ACTR3B: variants seen among roughly 807,000 people sequenced by gnomAD.
The protein encoded by ACTR3B is actin related protein 3B.
Under a neutral mutation model 59.0 loss-of-function variants are expected in ACTR3B, and 8 were observed. That is an observed-to-expected ratio of 0.14 (90% CI 0.08 to 0.24). The LOEUF (loss-of-function observed/expected upper bound fraction) is 0.24. Ranked by LOEUF, ACTR3B falls within the 10% of genes least tolerant of loss-of-function variation. ACTR3B has a pLI of 1.00. For synonymous variants in ACTR3B, 148 were observed against 197.9 expected (o/e 0.75, Z 2.12); for missense variants, 245 against 552.3 (o/e 0.44, Z 5.58).
intron 4 of ACTR3B, among the ~76,000 whole-genome samples, chr7:152,807,238 T>G (rs983199525): frequency 6.6e-6 from 1 of 152,262 alleles, no homozygotes; most frequent in African/African-American, 2.4e-5. Flanking sequence ...GGAAGATATC[T>G]ATGGGACTTT....
intron 4 of ACTR3B, among the ~76,000 whole-genome samples, chr7:152,810,411 T>TG (rs1168251931): frequency 1.2e-5 from 1 of 86,158 alleles, no homozygotes; most frequent in African/African-American, 4.1e-5. Flanking sequence ...CCAGCCTGTT[T>TG]TTTTTTTTTT....
intron 1 of ACTR3B, among the ~76,000 whole-genome samples, chr7:152,766,934 A>C (rs2098112308): frequency 6.6e-6 from 1 of 152,004 alleles, no homozygotes; most frequent in South Asian, 2.1e-4. Flanking sequence ...CTACAGGTGC[A>C]TGCCACCACA....
chr7:152,843,701 G>C (rs1798045651), intron 9 of ACTR3B, among the ~76,000 whole-genome samples: 1 of 152,138 alleles, frequency 6.6e-6, no homozygotes, highest in Non-Finnish European at 1.5e-5. Flanking sequence ...ACTGGACTCT[G>C]GACTGGAGAG....
rs932468682 is a variant in ACTR3B, at chr7:152,778,419, A to G, written c.45-4768A>G. On this transcript the variant is annotated intron_variant, in intron 1 of 11. Transcript: ENST00000256001. Reference sequence around the variant, plus strand: ...CCCAGCTAATTTTTTGTATTTTAGTATAGAGATGGGGTTTTACCATTTTGC... The same window carrying G: ...CCCAGCTAATTTTTTGTATTTTAGTGTAGAGATGGGGTTTTACCATTTTGC... 2.6e-4 allele frequency among the ~76,000 whole-genome samples: 40 copies of G among 151,686 alleles called. 1 individual carries two copies. Among genetic ancestry groups the G allele is most frequent in the Admixed American group, 5.9e-4 (9 of 15,222 alleles).
Position 152,831,149 on chromosome 7 carries a change from G to A in ACTR3B, c.951+6027G>A, listed in dbSNP as rs117506312. Among the ~76,000 whole-genome samples the A allele has an allele frequency of 6.0e-3, 912 of 152,314 alleles. 5 individuals carry two copies. The highest frequency in any genetic ancestry group is 1.0e-2 in the Non-Finnish European group (680 of 68,024). On this transcript the variant is annotated intron_variant, in intron 9 of 11. Transcript: ENST00000256001. The stretch of plus-strand genomic sequence containing the variant: ...ATAAATCCCCAAATGGCATGATTTT[G>A]TCTTACTGGGAAGGGAAGGCTGATG...
intron 4 of ACTR3B, among the ~76,000 whole-genome samples, chr7:152,804,416 G>T (rs376382061): frequency 7.2e-5 from 11 of 152,306 alleles, no homozygotes; most frequent in Middle Eastern, 6.8e-3. Context: ...GAGCGGGGGA[G>T]TGTGGAGAGA....
chr7:152,800,228 T>G (rs1288417658), intron 2 of ACTR3B, among the ~76,000 whole-genome samples: 1 of 152,288 alleles, frequency 6.6e-6, no homozygotes, highest in Non-Finnish European at 1.5e-5. Flanking sequence ...GGCATTTCAC[T>G]TACTATCTTG....
chr7:152,854,038 T>G lies in ACTR3B; in HGVS notation c.1162-420T>G, dbSNP rs1306111228. Reference sequence around the variant, plus strand: ...CCTCTGTGCCCGGCCCGATATAAACTATATCTTAATAATCACACAACACAT... The same window carrying G: ...CCTCTGTGCCCGGCCCGATATAAACGATATCTTAATAATCACACAACACAT... On this transcript the variant is annotated intron_variant, in intron 11 of 11. Coordinates refer to ENST00000256001, the MANE Select transcript of ACTR3B (RefSeq NM_020445.6). The surrounding 1 kb of genome is among the most constrained non-coding windows in gnomAD (Gnocchi z 4.9). 6.6e-6 allele frequency among the ~76,000 whole-genome samples: 1 copy of G among 152,180 alleles called. No homozygotes were observed. Among genetic ancestry groups the G allele is most frequent in the East Asian group, 1.9e-4 (1 of 5,192 alleles).
At chr7:152,817,911 G>T (rs916428516) in intron 6 of ACTR3B, among the ~76,000 whole-genome samples, 1 of 152,192 alleles carries the variant, frequency 6.6e-6, no homozygotes, top group African/African-American at 2.4e-5. Context: ...TGGTCGATGG[G>T]CCTACAGTCA....
chr7:152,767,136 C>T (rs2098112932), intron 1 of ACTR3B, among the ~76,000 whole-genome samples: 2 of 147,838 alleles, frequency 1.4e-5, no homozygotes, highest in Admixed American at 6.8e-5. Context: ...TCATTTAAAT[C>T]TCTAATTCAT....
Position 152,789,561 on chromosome 7 carries a change from T to A in ACTR3B, c.100+6319T>A, listed in dbSNP as rs78156829. Among the ~76,000 whole-genome samples the A allele has an allele frequency of 1.3e-5, 2 of 150,170 alleles. 1 individual carries two copies. On this transcript the variant is annotated intron_variant, in intron 2 of 11. Transcript: ENST00000256001. ...TGAGGTTTGTAAGATTTTTTTTTTT[T>A]AATCCAGCAACCTTTATTGACCTCT... is the stretch of plus-strand genomic sequence containing the variant.
chr7:152,808,770 T>C (rs1291530540), intron 4 of ACTR3B, among the ~76,000 whole-genome samples: 1 of 152,234 alleles, frequency 6.6e-6, no homozygotes, highest in Non-Finnish European at 1.5e-5. Flanking sequence ...TTATTTCTTC[T>C]GGGATGAGAT....
In ACTR3B at chr7:152,848,832, C is replaced by A. The variant is rs1453500231; in HGVS notation, c.952-3294C>A. On this transcript the variant is annotated intron_variant, in intron 9 of 11. Coordinates refer to ENST00000256001, the MANE Select transcript of ACTR3B (RefSeq NM_020445.6). Reference sequence around the variant, plus strand: ...CTGTTTACGTGATTTCCAGCTGCCACCCCCCCGTAGCTGCAGCTGTGGTTG... The same window carrying A: ...CTGTTTACGTGATTTCCAGCTGCCAACCCCCCGTAGCTGCAGCTGTGGTTG... 2.6e-5 allele frequency among the ~76,000 whole-genome samples: 4 copies of A among 152,102 alleles called. No homozygotes were observed. The East Asian group carries it at 7.7e-4, about 29-fold the overall frequency.
At position 152,824,789 on chromosome 7, in the gene ACTR3B, ATGT is replaced by A. The variant is rs1025390155; in HGVS notation, c.859-235_859-233del. Among the ~76,000 whole-genome samples, 2 of 152,108 alleles carry A rather than the reference ATGT, an allele frequency of 1.3e-5. No homozygotes were observed. Among genetic ancestry groups the A allele is most frequent in the African/African-American group, 4.8e-5 (2 of 41,414 alleles). On this transcript the variant is annotated intron_variant, in intron 8 of 11. Transcript: ENST00000256001. This position sits in a 1 kb window ranked among gnomAD's most constrained non-coding sequence, Gnocchi z 4.2. ...ATGGGGTGGGGGTGGTCTGTCTGTG[ATGT>A]TGTTGGTATTTTTTCTTCACTAAAT...
intron 4 of ACTR3B, chr7:152,812,477 T>A (rs1361756149): frequency 7.5e-6 from 1 of 133,628 alleles, no homozygotes; most frequent in East Asian, 2.5e-4. Flanking sequence ...GGAATGAAAT[T>A]TTCCAAGTTC....
intron 9 of ACTR3B, among the ~76,000 whole-genome samples, chr7:152,851,711 T>C (rs1798820418): frequency 6.6e-6 from 1 of 152,198 alleles, no homozygotes; most frequent in South Asian, 2.1e-4. Flanking sequence ...ATTGTCCTTC[T>C]GAGAAGCTTC....
intron 10 of ACTR3B, among the ~76,000 whole-genome samples, chr7:152,852,852 T>C (rs1057512704): frequency 2.0e-5 from 3 of 152,008 alleles, no homozygotes; most frequent in South Asian, 4.2e-4. Context: ...AGTGCAGTGG[T>C]GAGATCTCGG....
chr7:152,777,832 TC>T (rs1417408646), intron 1 of ACTR3B, among the ~76,000 whole-genome samples: 1 of 151,808 alleles, frequency 6.6e-6, no homozygotes, highest in African/African-American at 2.4e-5. Flanking sequence ...ACGCCTGTAG[TC>T]CCAGCACTCA....
intron 1 of ACTR3B, among the ~76,000 whole-genome samples, chr7:152,767,499 G>T (rs1204092122): frequency 2.6e-5 from 4 of 152,098 alleles, no homozygotes; most frequent in Admixed American, 2.6e-4. Context: ...AGTGATCTTT[G>T]TAATCAGTTT....
Sources: allele counts gnomAD v4.1 joint callset (sites outside exome capture counted in the v4.1 genomes callset), GRCh38; gene constraint gnomAD v4.1.1; non-coding constraint Gnocchi (gnomAD v3.1); transcripts MANE v1.5; gene names NCBI Gene and HGNC (gene_info 2026-07-23, HGNC 2026-07-21).